Variants in NXNL2 observed in about 807,000 individuals in gnomAD.
NXNL2 encodes nucleoredoxin like 2, also known as nucleoredoxin-like protein 2.
A neutral mutation model predicts 11.1 loss-of-function variants in NXNL2; 7 were observed. The ratio of observed to expected loss-of-function variants is 0.63; its 90% CI spans 0.36 to 1.18. NXNL2 has a LOEUF of 1.18. NXNL2 is among the 50% of genes most tolerant of loss of function. The pLI is 0.02. For missense variants in NXNL2, 233 were observed against 217.7 expected, an observed-to-expected ratio of 1.07 and a Z score of -0.44; for synonymous variants, 109 against 101.8, an observed-to-expected ratio of 1.07 and a Z score of -0.42.
Position 88,535,727 on chromosome 9 carries a change from C to T in NXNL2, c.293C>T (p.Pro98Leu). 6.3e-7 allele frequency: 1 copy of T among 1,576,046 alleles called. No homozygotes were observed. Residue 98 changes from proline to leucine, a missense_variant, in exon 1 of 2, where the codon CCC becomes CTC. Pro to Leu is a moderately conservative substitution (Grantham distance 98, BLOSUM62 -3). Coordinates refer to ENST00000375854, the MANE Select transcript of NXNL2 (RefSeq NM_001161625.2). ...TGGCTGGCGCTGCCCTTCCACGACC[C>T]CTACCGGCAGTGAGTGGGGGTCCTG... ...GAWLALPFHD[P>L]YRHELRKRYN...
downstream of NXNL2, among the ~76,000 whole-genome samples, chr9:88,579,440 C>T (rs944614632): frequency 1.3e-5 from 2 of 152,196 alleles, no homozygotes; most frequent in African/African-American, 2.4e-5. Context: ...GACAGACTCC[C>T]TCCTGGCAGC....
At chr9:88,566,793 G>A (rs1830176181) in intron 1 of NXNL2, among the ~76,000 whole-genome samples, 1 of 152,138 alleles carries the variant, frequency 6.6e-6, no homozygotes, top group South Asian at 2.1e-4. Context: ...GTAGTTTTCA[G>A]TGTTCAAGTC....
At chr9:88,572,336 G>T (rs1158711831) in intron 2 of NXNL2, among the ~76,000 whole-genome samples, 1 of 152,002 alleles carries the variant, frequency 6.6e-6, no homozygotes, top group East Asian at 1.9e-4. Context: ...AGCTCCTAGG[G>T]CTCTCCTGTG....
downstream of NXNL2, among the ~76,000 whole-genome samples, chr9:88,545,385 G>T (rs965536802): frequency 6.6e-6 from 1 of 152,106 alleles, no homozygotes; most frequent in Admixed American, 6.5e-5. Context: ...CTGGGATTGT[G>T]AAAATACCGA....
downstream of NXNL2, among the ~76,000 whole-genome samples, chr9:88,549,143 A>G (rs1265142169): frequency 6.6e-6 from 1 of 152,190 alleles, no homozygotes; most frequent in Non-Finnish European, 1.5e-5. Flanking sequence ...TGAACCCTCC[A>G]CTGGCTATCC....
At chr9:88,540,167 C>T (rs1019654652) in intron 1 of NXNL2, among the ~76,000 whole-genome samples, 39 of 151,824 alleles carry the variant, frequency 2.6e-4, no homozygotes, top group African/African-American at 8.2e-4. Context: ...CCTGTCTCTA[C>T]TAAAAATACA....
At chr9:88,568,203 T>G (rs1368984779) in intron 1 of NXNL2, among the ~76,000 whole-genome samples, 1 of 152,240 alleles carries the variant, frequency 6.6e-6, no homozygotes, top group Non-Finnish European at 1.5e-5. Context: ...GAAATATGGC[T>G]AGTGCAACTA....
At chr9:88,556,067 C>G (rs1028928905) in intron 1 of NXNL2, among the ~76,000 whole-genome samples, 7 of 152,156 alleles carry the variant, frequency 4.6e-5, no homozygotes, top group Non-Finnish European at 1.0e-4. Flanking sequence ...ACACAGCAAC[C>G]CTGGAGCCCC....
At chr9:88,536,747 CA>C (rs1297307533) in intron 1 of NXNL2, among the ~76,000 whole-genome samples, 1 of 152,132 alleles carries the variant, frequency 6.6e-6, no homozygotes, top group Non-Finnish European at 1.5e-5. Context: ...ATTATTCCCC[CA>C]AACATGATTT....
At chr9:88,548,024 AAAAT>A (rs1484114694), downstream of NXNL2, among the ~76,000 whole-genome samples, 1 of 148,546 alleles carries the variant, frequency 6.7e-6, no homozygotes, top group Non-Finnish European at 1.5e-5. Flanking sequence ...TCTTAAAAAA[AAAAT>A]AAAGAAAAAA....
intron 2 of NXNL2, among the ~76,000 whole-genome samples, chr9:88,571,467 A>G (rs1349458396): frequency 6.6e-6 from 1 of 152,200 alleles, no homozygotes; most frequent in Non-Finnish European, 1.5e-5. Flanking sequence ...GTACATGGGA[A>G]AATCTTAAAT....
chr9:88,582,205 G>A (rs1472004823), intron 1 of NXNL2, among the ~76,000 whole-genome samples: 1 of 152,198 alleles, frequency 6.6e-6, no homozygotes, highest in Non-Finnish European at 1.5e-5. Flanking sequence ...AGACCTGGGT[G>A]CAGTGGCTCA....
In NXNL2 at chr9:88,563,699, C is replaced by G. The variant is rs1396581831; in HGVS notation, c.303-7388C>G. ...ACCACCCTGCTGCTCCCCTATTTCT[C>G]TGCACCTCCCTTTCTCCCCTCCAGA... On this transcript the variant is annotated intron_variant, in intron 1 of 2. Transcript: ENST00000375855. Among the ~76,000 whole-genome samples, 4 of 152,306 alleles carry G rather than the reference C, an allele frequency of 2.6e-5. No individual in the cohort carries two copies. In the East Asian group the frequency reaches 7.7e-4, roughly 29 times the overall value.
intron 1 of NXNL2, among the ~76,000 whole-genome samples, chr9:88,556,130 G>C (rs915002159): frequency 6.6e-6 from 1 of 152,126 alleles, no homozygotes; most frequent in Non-Finnish European, 1.5e-5. Context: ...CCGAGGTCTC[G>C]GCCCCCAGAG....
At chr9:88,545,235 TTAA>T (rs1223322712), downstream of NXNL2, among the ~76,000 whole-genome samples, 22 of 152,212 alleles carry the variant, frequency 1.4e-4, no homozygotes, top group African/African-American at 5.3e-4. Flanking sequence ...TACCTAAAAG[TTAA>T]TAATCCATCG....
chr9:88,556,954 C>G (rs1258733825), intron 1 of NXNL2, among the ~76,000 whole-genome samples: 2 of 151,536 alleles, frequency 1.3e-5, no homozygotes, highest in Non-Finnish European at 2.9e-5. Flanking sequence ...GGTTGCAGAC[C>G]CCTGTAGTCC....
rs756826294 is a variant in NXNL2 at position 88,535,489 on chromosome 9, G to A, written c.55G>A (p.Glu19Lys). The A allele has an allele frequency of 1.9e-5, 31 of 1,609,530 alleles. No homozygotes were observed. The highest frequency in any genetic ancestry group is 5.0e-5 in the Admixed American group (3 of 59,838). The part of the protein sequence containing the change: ...HLVTCKGATV[E>K]AEAALQNKVV... ...GGTGACCTGTAAGGGCGCGACGGTG[G>A]AGGCCGAGGCGGCGCTGCAGAACAA... Residue 19 changes from glutamate (E) to lysine (K), a missense_variant, in exon 1 of 2, where the codon GAG (glutamate) becomes AAG (lysine). Glu to Lys is a moderately conservative substitution (Grantham distance 56, BLOSUM62 1). Transcript: ENST00000375854.
intron 1 of NXNL2, 129 bp downstream of exon 1, chr9:88,535,865 C>T (rs1314680421): frequency 7.1e-6 from 5 of 707,838 alleles, no homozygotes; most frequent in South Asian, 5.7e-5. Flanking sequence ...TCTCGGTTCA[C>T]GTCCGGACTC....
Position 88,544,413 on chromosome 9 carries a change from C to A in NXNL2, c.337C>A (p.Pro113Thr). ...LRKRYNVTAIPKLVIVKQNGE... is the reference protein window; with the variant it reads ...LRKRYNVTAITKLVIVKQNGE... ...GAAGAGGTACAACGTCACAGCCATC[C>A]CCAAGCTTGTGATTGTGAAACAAAA... Residue 113 changes from proline (P) to threonine (T), a missense_variant, in exon 2 of 2, where the codon CCC becomes ACC. By Grantham distance (38) the Pro-to-Thr change is conservative. Coordinates refer to ENST00000375854, the MANE Select transcript of NXNL2 (RefSeq NM_001161625.2). The A allele has an allele frequency of 6.4e-7, 1 of 1,551,882 alleles. No individual in the cohort carries two copies. The highest frequency in any genetic ancestry group is 8.7e-7 in the Non-Finnish European group (1 of 1,147,036).
Sources: allele counts gnomAD v4.1 joint callset (sites outside exome capture counted in the v4.1 genomes callset), GRCh38; gene constraint gnomAD v4.1.1; transcripts MANE v1.5; gene names NCBI Gene and HGNC (gene_info 2026-07-23, HGNC 2026-07-21).